Variants in EYA2 observed in about 807,000 individuals in gnomAD.
The protein encoded by EYA2 is EYA transcriptional coactivator and phosphatase 2, also known as protein phosphatase EYA2.
Under a neutral mutation model 69.2 loss-of-function variants are expected in EYA2, and 31 were observed. The observed-to-expected ratio is 0.45, with a 90% CI of 0.34 to 0.60. EYA2 has a LOEUF of 0.60. EYA2 is among the 20% of genes least tolerant of loss of function. The probability of loss-of-function intolerance (pLI) is 0.02; values close to 1 mark genes in which losing one functional copy is unlikely to be tolerated. For missense variants in EYA2, 622 were observed against 701.2 expected (o/e 0.89, Z 1.28); for synonymous variants, 257 against 279.4 (o/e 0.92, Z 0.80).
intron 1 of EYA2, among the ~76,000 whole-genome samples, chr20:46,914,692 C>T (rs918260638): frequency 2.0e-5 from 3 of 152,184 alleles, no homozygotes; most frequent in African/African-American, 7.2e-5. Flanking sequence ...GTCCCTCCCA[C>T]GACACGTGGG....
chr20:46,947,828 A>G (rs1021546815), intron 1 of EYA2, among the ~76,000 whole-genome samples: 1 of 152,168 alleles, frequency 6.6e-6, no homozygotes, highest in Non-Finnish European at 1.5e-5. Flanking sequence ...TAAGATAACT[A>G]CCATATGGCT....
At chr20:46,914,958 G>T (rs1185884365) in intron 1 of EYA2, among the ~76,000 whole-genome samples, 1 of 152,180 alleles carries the variant, frequency 6.6e-6, no homozygotes, top group Admixed American at 6.5e-5. Context: ...GGGACAGGGG[G>T]CCGTGCGTGG....
intron 1 of EYA2, among the ~76,000 whole-genome samples, chr20:46,926,087 C>T (rs186636497): frequency 1.8e-3 from 278 of 152,108 alleles, no homozygotes; most frequent in Admixed American, 9.7e-3. Flanking sequence ...GAAGCAAGTG[C>T]GGAGTGAATA....
intron 1 of EYA2, among the ~76,000 whole-genome samples, chr20:46,988,317 T>C (rs1265304615): frequency 6.6e-6 from 1 of 152,008 alleles, no homozygotes; most frequent in African/African-American, 2.4e-5. Context: ...ATAGTGCTTT[T>C]TTTTACATGA....
At position 47,143,140 on chromosome 20, in the gene EYA2, G is replaced by C. The variant is rs1383388729; in HGVS notation, c.970G>C (p.Asp324His). Residue 324 changes from aspartate to histidine, a missense_variant, in exon 10 of 16, where the codon GAC becomes CAC. Transcript: ENST00000327619. Reference sequence around the variant, plus strand: ...TGCAGATACACATCTGTTCTTCAATGACCTGGAGGTTTGTGGTTGCTGATT... The same window carrying C: ...TGCAGATACACATCTGTTCTTCAATCACCTGGAGGTTTGTGGTTGCTGATT... Reference protein sequence around the residue: ...NLADTHLFFNDLEDCDQIHVD... With the variant: ...NLADTHLFFNHLEDCDQIHVD... 6.2e-7 allele frequency: 1 copy of C among 1,611,424 alleles called. No homozygotes were observed. The highest frequency in any genetic ancestry group is 8.5e-7 in the Non-Finnish European group (1 of 1,178,866).
chr20:47,174,662 C>T (rs2034393646), intron 12 of EYA2, among the ~76,000 whole-genome samples: 1 of 152,256 alleles, frequency 6.6e-6, no homozygotes, highest in Non-Finnish European at 1.5e-5. Flanking sequence ...AGCACTCGCT[C>T]TGCCAGTTTT....
At chr20:47,039,123 A>G (rs1984891553) in intron 5 of EYA2, among the ~76,000 whole-genome samples, 1 of 151,838 alleles carries the variant, frequency 6.6e-6, no homozygotes, top group Non-Finnish European at 1.5e-5. Context: ...ACACACACAC[A>G]CACACACACG....
chr20:46,975,759 A>G (rs958719430), intron 1 of EYA2, among the ~76,000 whole-genome samples: 7 of 152,204 alleles, frequency 4.6e-5, no homozygotes, highest in African/African-American at 1.7e-4. Flanking sequence ...TACTGAAAAT[A>G]CAAAAATTAG....
At chr20:47,041,970 A>C (rs1045923101) in intron 5 of EYA2, among the ~76,000 whole-genome samples, 2 of 152,152 alleles carry the variant, frequency 1.3e-5, no homozygotes, top group African/African-American at 4.8e-5. Flanking sequence ...GAATAAATTC[A>C]CTAAAAATAA....
chr20:46,963,480 A>G (rs1055031897), intron 1 of EYA2, among the ~76,000 whole-genome samples: 1 of 152,234 alleles, frequency 6.6e-6, no homozygotes, highest in African/African-American at 2.4e-5. Flanking sequence ...ATTCTAGGAC[A>G]ATCAAACACA....
At chr20:47,055,376 G>A (rs1462498512) in intron 5 of EYA2, among the ~76,000 whole-genome samples, 1 of 152,178 alleles carries the variant, frequency 6.6e-6, no homozygotes, top group Non-Finnish European at 1.5e-5. Context: ...GTGATCCCCT[G>A]ATCTGTTTCC....
chr20:47,048,809 C>T (rs1408346235), intron 5 of EYA2, among the ~76,000 whole-genome samples: 32 of 152,034 alleles, frequency 2.1e-4, no homozygotes, highest in Admixed American at 2.0e-3. Flanking sequence ...GGCTGGGAGG[C>T]TCAAGACTCT....
chr20:47,138,969 A>G (rs1030612188), intron 9 of EYA2, among the ~76,000 whole-genome samples: 2 of 151,986 alleles, frequency 1.3e-5, no homozygotes, highest in African/African-American at 4.8e-5. Context: ...ATAGTACATA[A>G]TGCAATCAGA....
intron 9 of EYA2, among the ~76,000 whole-genome samples, chr20:47,114,530 A>C (rs1460560380): frequency 1.3e-5 from 2 of 152,144 alleles, no homozygotes; most frequent in African/African-American, 2.4e-5. Context: ...CAAAAGAATC[A>C]CTTGAACCCA....
chr20:47,114,614 AAATAAT>A (rs1416435458), intron 9 of EYA2, among the ~76,000 whole-genome samples: 4 of 151,982 alleles, frequency 2.6e-5, no homozygotes, highest in South Asian at 2.1e-4. Context: ...AGACTCCTTC[AAATAAT>A]AATAATAATA....
In EYA2 at chr20:47,188,173, A is replaced by T. The variant is rs763391692; in HGVS notation, c.*40A>T. ...TCTCCACCTGCCATCTCACCCTCAGACCCCCTCGCCTTCCCCACCTCCCCA... is the reference window on the plus strand; with the variant it reads ...TCTCCACCTGCCATCTCACCCTCAGTCCCCCTCGCCTTCCCCACCTCCCCA... On this transcript the variant is annotated 3_prime_UTR_variant, in exon 16 of 16. Transcript: ENST00000327619. 9.2e-5 allele frequency: 142 copies of T among 1,535,412 alleles called. 1 individual carries two copies. Among genetic ancestry groups the T allele is most frequent in the Non-Finnish European group, 3.5e-6 (4 of 1,139,384 alleles).
chr20:47,108,878 C>T (rs1413698163), intron 9 of EYA2, among the ~76,000 whole-genome samples: 1 of 152,034 alleles, frequency 6.6e-6, no homozygotes, highest in Non-Finnish European at 1.5e-5. Context: ...TAAGGAGCCC[C>T]TCTGGCTCTC....
chr20:46,999,452 C>T (rs1022474320), intron 2 of EYA2, among the ~76,000 whole-genome samples: 1 of 152,170 alleles, frequency 6.6e-6, no homozygotes, highest in African/African-American at 2.4e-5. Flanking sequence ...TTGTTCCATC[C>T]TTTTCTTTGA....
chr20:47,044,967 G>C (rs1197190995), intron 5 of EYA2, among the ~76,000 whole-genome samples: 1 of 152,184 alleles, frequency 6.6e-6, no homozygotes, highest in Non-Finnish European at 1.5e-5. Context: ...TGTGGTAATT[G>C]CTATGAAGGA....
Sources: allele counts gnomAD v4.1 joint callset (sites outside exome capture counted in the v4.1 genomes callset), GRCh38; gene constraint gnomAD v4.1.1; transcripts MANE v1.5; gene names NCBI Gene and HGNC (gene_info 2026-07-23, HGNC 2026-07-21).